LAMTOR4: variants seen among roughly 807,000 people sequenced by gnomAD.
The protein encoded by LAMTOR4 is late endosomal/lysosomal adaptor, MAPK and MTOR activator 4.
Under a neutral mutation model 13.5 loss-of-function variants are expected in LAMTOR4, and 11 were observed. That is an observed-to-expected ratio of 0.82 (90% CI 0.51 to 1.35). The LOEUF (loss-of-function observed/expected upper bound fraction) is 1.35. Among genes scored for constraint, LAMTOR4 ranks in the 40% most tolerant of loss-of-function variants. LAMTOR4 has a pLI of 0.00. For synonymous variants in LAMTOR4, 69 were observed against 52.3 expected (o/e 1.32, Z -1.38); for missense variants, 128 against 126.2 (o/e 1.01, Z -0.07).
At chr7:100,149,172 G>A in intron 1 of LAMTOR4, 197 bp downstream of exon 1, 1 of 698,318 alleles carries the variant, frequency 1.4e-6, no homozygotes, top group South Asian at 1.9e-5. Flanking sequence ...CTGGGGCTGC[G>A]GGTAGTCTGC....
chr7:100,149,443 A>G (rs1376796652), intron 1 of LAMTOR4, 56 bp from the exon 2 acceptor site: 12 of 1,206,210 alleles, frequency 9.9e-6, no homozygotes, highest in African/African-American at 4.5e-5. Flanking sequence ...GGTGAAGGGT[A>G]TCGGGCCGTC....
At chr7:100,153,561 G>A in intron 3 of LAMTOR4, 44 bp downstream of exon 3, 1 of 1,528,270 alleles carries the variant, frequency 6.5e-7, no homozygotes, top group Non-Finnish European at 9.0e-7. Context: ...TGGGAGCGGG[G>A]GGCTACTTCC....
intron 1 of LAMTOR4, 146 bp from the exon 2 acceptor site, chr7:100,149,353 G>A (rs767159702): frequency 2.0e-4 from 141 of 699,350 alleles, no homozygotes; most frequent in Non-Finnish European, 3.1e-4. Flanking sequence ...GACCATGTAG[G>A]GGGGAGGGGG....
At position 100,150,723 on chromosome 7, in the gene LAMTOR4, T is replaced by C. The variant is rs945894588; in HGVS notation, c.84+1144T>C. ...AGACTGGGCTGGGCGTGGTGGTTCA[T>C]GCCTGTAATTCTAGCACTTTGGGAG... On this transcript the variant is annotated intron_variant, in intron 2 of 3. Coordinates refer to ENST00000341942, the MANE Select transcript of LAMTOR4 (RefSeq NM_001008395.4). 4.0e-5 allele frequency among the ~76,000 whole-genome samples: 6 copies of C among 151,708 alleles called. No individual in the cohort carries two copies. The East Asian group carries it at 7.8e-4, about 20-fold the overall frequency.
chr7:100,149,247 A>C (rs1456771285), intron 1 of LAMTOR4: 4 of 600,052 alleles, frequency 6.7e-6, no homozygotes, highest in Non-Finnish European at 1.2e-5. Context: ...GGGGCAGCAA[A>C]GGCCCCTTGG....
chr7:100,149,512 C>T lies in LAMTOR4; in HGVS notation c.17C>T (p.Thr6Ile). Residue 6 changes from threonine to isoleucine, a missense_variant, in exon 2 of 4, where the codon ACC becomes ATC. Transcript: ENST00000341942. ...TTTACCCACTAGACTTCTGCGCTGA[C>T]CCAGGGGCTGGAGCGAATCCCAGAC... MTSAL[T>I]QGLERIPDQL... is the part of the protein sequence containing the mutation. 1 of 1,613,480 alleles carries T rather than the reference C, an allele frequency of 6.2e-7. No individual in the cohort carries two copies. Among genetic ancestry groups the T allele is most frequent in the African/African-American group, 1.3e-5 (1 of 74,982 alleles).
chr7:100,153,150 G>GAA (rs371476464), intron 2 of LAMTOR4, among the ~76,000 whole-genome samples: 1 of 114,566 alleles, frequency 8.7e-6, no homozygotes, highest in Non-Finnish European at 1.9e-5. Context: ...TCTCAAAAAA[G>GAA]AAAAAAAAAA....
At chr7:100,151,070 G>GT (rs1008129862) in intron 2 of LAMTOR4, among the ~76,000 whole-genome samples, 29 of 149,500 alleles carry the variant, frequency 1.9e-4, no homozygotes, top group South Asian at 6.5e-4. Context: ...TTTTGTTTTT[G>GT]TTTTTTTTTG....
At chr7:100,153,841 C>CG in intron 3 of LAMTOR4, 26 bp from the exon 4 acceptor site, 1 of 1,474,718 alleles carries the variant, frequency 6.8e-7, no homozygotes, top group East Asian at 2.4e-5. Context: ...TCTCCTGGGG[C>CG]GGGGGAAGGT....
intron 3 of LAMTOR4, 160 bp from the exon 4 acceptor site, chr7:100,153,707 G>A (rs761065891): frequency 1.7e-5 from 13 of 745,646 alleles, no homozygotes; most frequent in Non-Finnish European, 3.1e-5. Flanking sequence ...TCTAGCAGAG[G>A]CCACTCATCT....
At chr7:100,150,255 TTAGG>T (rs769451392) in intron 2 of LAMTOR4, among the ~76,000 whole-genome samples, 1 of 152,218 alleles carries the variant, frequency 6.6e-6, no homozygotes, top group African/African-American at 2.4e-5. Flanking sequence ...TGTTTTTGAC[TTAGG>T]TAGAGACAAA....
At chr7:100,149,336 T>C in intron 1 of LAMTOR4, 163 bp from the exon 2 acceptor site, 1 of 659,814 alleles carries the variant, frequency 1.5e-6, no homozygotes. Flanking sequence ...GGAAGATCAG[T>C]ATTGAGGACC....
intron 2 of LAMTOR4, among the ~76,000 whole-genome samples, chr7:100,152,392 A>G (rs1798730985): frequency 7.3e-6 from 1 of 137,732 alleles, no homozygotes; most frequent in Non-Finnish European, 1.6e-5. Context: ...ATAGAGTGAG[A>G]CTCTGTCTCA....
In LAMTOR4 at chr7:100,149,714, GT is replaced by G. The variant is rs2116940359; in HGVS notation, c.84+140del. ...TTAGGTTGGTACAAAAGTATTTGCAGTTTTTGCAATTACTTTCAGTAATCAG... is the reference window on the plus strand; with the variant it reads ...TTAGGTTGGTACAAAAGTATTTGCAGTTTTGCAATTACTTTCAGTAATCAG... On this transcript the variant is annotated intron_variant, in intron 2 of 3. Transcript: ENST00000341942. 4.7e-6 allele frequency: 3 copies of G among 635,542 alleles called. No homozygotes were observed. In the East Asian group the frequency reaches 8.0e-5, roughly 17 times the overall value. 39.4% of individuals were successfully genotyped at this position (635,542 alleles called of 1,614,324 possible). A position where few individuals can be genotyped will look rare whatever the true frequency, so the allele number is the denominator to read the frequency against.
At chr7:100,153,761 TC>T in intron 3 of LAMTOR4, 105 bp from the exon 4 acceptor site, 1 of 850,428 alleles carries the variant, frequency 1.2e-6, no homozygotes, top group Non-Finnish European at 2.0e-6. Flanking sequence ...TTGGCTTTGA[TC>T]CCAGCCAATG....
chr7:100,153,526 C>T lies in LAMTOR4; in HGVS notation c.202+9C>T, dbSNP rs775244079. On this transcript the variant is annotated intron_variant, in intron 3 of 3. Coordinates refer to ENST00000341942, the MANE Select transcript of LAMTOR4 (RefSeq NM_001008395.4). ...CTTCAAGCGCCTGTCTGGTGAGCCC[C>T]TGCCCCTGCCCTTGGTGGTGGTACT... 3 of 1,602,876 alleles carry T rather than the reference C, an allele frequency of 1.9e-6. No individual in the cohort carries two copies. The South Asian group carries it at 3.3e-5, about 18-fold the overall frequency.
rs368360114 is a variant in LAMTOR4, at chr7:100,153,465, C to T, written c.150C>T (p.Ala50=). 5 of 1,610,342 alleles carry T rather than the reference C, an allele frequency of 3.1e-6. No individual in the cohort carries two copies. Among genetic ancestry groups the T allele is most frequent in the African/African-American group, 2.7e-5 (2 of 75,050 alleles). ...ASAISELVST[A]CGFRLHRGMN... ...CCATCTCTGAGCTGGTCAGCACAGCCTGCGGTTTCCGGCTGCACCGCGGCA... is the reference window on the plus strand; with the variant it reads ...CCATCTCTGAGCTGGTCAGCACAGCTTGCGGTTTCCGGCTGCACCGCGGCA... The change falls in exon 3 of 4, where the codon GCC becomes GCT. Residue 50 remains alanine, a synonymous_variant. Coordinates refer to ENST00000341942, the MANE Select transcript of LAMTOR4 (RefSeq NM_001008395.4).
chr7:100,151,808 C>G (rs1047504331), intron 2 of LAMTOR4, among the ~76,000 whole-genome samples: 1 of 151,466 alleles, frequency 6.6e-6, no homozygotes, highest in African/African-American at 2.4e-5. Flanking sequence ...GCAATCCTCC[C>G]GCCTCAGCAT....
intron 2 of LAMTOR4, 60 bp downstream of exon 2, chr7:100,149,639 T>TA: frequency 7.9e-7 from 1 of 1,258,366 alleles, no homozygotes; most frequent in Non-Finnish European, 1.2e-6. Context: ...CCCCTTCTAA[T>TA]ATTGGCCCTT....
Sources: gnomAD v4.1 joint callset for allele counts (sites outside exome capture counted in the v4.1 genomes callset) on GRCh38, gnomAD v4.1.1 for gene constraint, MANE v1.5 for transcripts, NCBI Gene and HGNC (gene_info 2026-07-23, HGNC 2026-07-21) for gene names.